GTF3C6: variants seen among roughly 807,000 people sequenced by gnomAD.
GTF3C6 encodes general transcription factor 3C polypeptide 6.
Under a neutral mutation model 19.2 loss-of-function variants are expected in GTF3C6, and 11 were observed. That is an observed-to-expected ratio of 0.57 (90% confidence interval 0.36 to 0.95). The LOEUF is 0.95. Ranked by LOEUF, GTF3C6 falls within the 40% of genes least tolerant of loss-of-function variation. The pLI is 0.01. For synonymous variants in GTF3C6, 87 were observed against 84.2 expected (o/e 1.03, Z -0.18); for missense variants, 222 against 254.7 (o/e 0.87, Z 0.87).
chr6:110,966,869 T>C (rs1186102656), intron 5 of GTF3C6, among the ~76,000 whole-genome samples: 1 of 152,074 alleles, frequency 6.6e-6, no homozygotes, highest in Admixed American at 6.6e-5. Flanking sequence ...GAAAAAGGAC[T>C]AATAACCAGG....
Position 110,960,566 on chromosome 6 carries a change from C to G in GTF3C6, c.203-6C>G, listed in dbSNP as rs1771147102. 3 of 1,613,606 alleles carry G rather than the reference C, an allele frequency of 1.9e-6. No individual in the cohort carries two copies. The highest frequency in any genetic ancestry group is 2.5e-6 in the Non-Finnish European group (3 of 1,179,598). ...CTCAACAATTTGCCTTTGTATTTTT[C>G]TGCAGACACTCTAGGGACCTGTGTT... is the stretch of plus-strand genomic sequence containing the variant. On this transcript the variant is annotated splice_polypyrimidine_tract_variant and splice_region_variant and intron_variant, in intron 3 of 5. Transcript: ENST00000329970.
At chr6:110,959,131 C>T in intron 1 of GTF3C6, 41 bp from the exon 2 acceptor site, 3 of 1,417,814 alleles carry the variant, frequency 2.1e-6, no homozygotes, top group Non-Finnish European at 3.0e-6. Flanking sequence ...CCCTCTTGGC[C>T]GCTCGCGTGC....
At chr6:110,964,051 C>T (rs1771197457) in intron 5 of GTF3C6, among the ~76,000 whole-genome samples, 1 of 151,758 alleles carries the variant, frequency 6.6e-6, no homozygotes, top group Non-Finnish European at 1.5e-5. Context: ...AGTTGTTAGT[C>T]CTCAGTCTAG....
Position 110,959,262 on chromosome 6 carries a change from C to T in GTF3C6, c.138+10C>T, listed in dbSNP as rs1208298396. 1.3e-6 allele frequency: 2 copies of T among 1,549,600 alleles called. No individual in the cohort carries two copies. Among genetic ancestry groups the T allele is most frequent in the Admixed American group, 3.3e-5 (2 of 59,708 alleles). On this transcript the variant is annotated intron_variant, in intron 2 of 5. Transcript: ENST00000329970. The stretch of plus-strand genomic sequence containing the variant: ...TAAATGCAAGGTTTTGGTGAGTTTT[C>T]TAGACTTGGGGGGATTGTTCTAGAG...
intron 2 of GTF3C6, 33 bp from the exon 3 acceptor site, chr6:110,960,381 G>GTTT: frequency 6.3e-6 from 9 of 1,434,056 alleles, no homozygotes; most frequent in Admixed American, 2.3e-5. Context: ...TTCTAATTAT[G>GTTT]TTTTTTTTTT....
At chr6:110,960,276 G>A in intron 2 of GTF3C6, 138 bp from the exon 3 acceptor site, 1 of 664,614 alleles carries the variant, frequency 1.5e-6, no homozygotes, top group Non-Finnish European at 2.6e-6. Context: ...AGCAGTTGTA[G>A]TTTATCCTGT....
intron 4 of GTF3C6, 79 bp downstream of exon 4, chr6:110,960,695 C>A: frequency 9.8e-7 from 1 of 1,015,912 alleles, no homozygotes; most frequent in Non-Finnish European, 1.5e-6. Flanking sequence ...CTCATGTATC[C>A]ACTGTCTAGC....
chr6:110,966,408 C>T (rs982056216), intron 5 of GTF3C6, among the ~76,000 whole-genome samples: 1 of 152,070 alleles, frequency 6.6e-6, no homozygotes. Flanking sequence ...ACCCAGGAGG[C>T]GGAGGTTGCA....
chr6:110,962,086 T>C (rs995026050), intron 4 of GTF3C6, among the ~76,000 whole-genome samples: 18 of 152,060 alleles, frequency 1.2e-4, no homozygotes, highest in African/African-American at 3.6e-4. Flanking sequence ...GTATCTTTAG[T>C]AGAGACGGGA....
intron 4 of GTF3C6, among the ~76,000 whole-genome samples, 174 bp downstream of exon 4, chr6:110,960,790 C>G (rs1013234362): frequency 1.3e-5 from 2 of 151,886 alleles, no homozygotes; most frequent in African/African-American, 4.8e-5. Flanking sequence ...GTGGCTCAAT[C>G]CTGTAATCCC....
intron 4 of GTF3C6, among the ~76,000 whole-genome samples, chr6:110,961,382 C>T (rs1424964162): frequency 2.0e-5 from 3 of 152,194 alleles, no homozygotes; most frequent in East Asian, 1.9e-4. Flanking sequence ...AACTCCTGAC[C>T]TCAAGTGATC....
rs1771124520 is a variant in GTF3C6 at position 110,959,106 on chromosome 6, C to G, written c.58-66C>G. On this transcript the variant is annotated intron_variant, in intron 1 of 5. Transcript: ENST00000329970. ...TTCACAAATGTGGGAAATTTGGCTT[C>G]TTTTGCTAATTGCTCCCTCTTGGCC... 25 of 1,200,238 alleles carry G rather than the reference C, an allele frequency of 2.1e-5. No homozygotes were observed. In the South Asian group the frequency reaches 2.8e-4, roughly 14 times the overall value. 74.3% of individuals were successfully genotyped at this position (1,200,238 alleles called of 1,614,324 possible).
chr6:110,958,792 G>T lies in GTF3C6; in HGVS notation c.23G>T (p.Arg8Leu). The T allele has an allele frequency of 1.9e-6, 3 of 1,551,086 alleles. No individual in the cohort carries two copies. In the South Asian group the frequency reaches 3.6e-5, roughly 18 times the overall value. Residue 8 changes from arginine to leucine, a missense_variant, in exon 1 of 6, where the codon CGG (arginine) becomes CTG (leucine). Transcript: ENST00000329970. ...ACCATGGCGGCGGCGGCGGACGAGCGGAGTCCAGAGGACGGAGAAGACGAG... is the reference window on the plus strand; with the variant it reads ...ACCATGGCGGCGGCGGCGGACGAGCTGAGTCCAGAGGACGGAGAAGACGAG... MAAAADERSPEDGEDEEE... is the reference protein window; with the variant it reads MAAAADELSPEDGEDEEE...
rs938698271 is a variant in GTF3C6 at position 110,967,377 on chromosome 6, C to T, written c.362-133C>T. On this transcript the variant is annotated intron_variant, in intron 5 of 5. Coordinates refer to ENST00000329970, the MANE Select transcript of GTF3C6 (RefSeq NM_138408.4). ...TATATTTTATCAGTAGTTACAGACA[C>T]CATATTCCTTGGTTTATGTTAGGCT... 5 of 748,878 alleles carry T rather than the reference C, an allele frequency of 6.7e-6. No individual in the cohort carries two copies. The African/African-American group carries it at 8.9e-5, about 13-fold the overall frequency. 46.4% of individuals were successfully genotyped at this position (748,878 alleles called of 1,614,324 possible). A position where few individuals can be genotyped will look rare whatever the true frequency, so the allele number is the denominator to read the frequency against.
At chr6:110,963,992 G>A (rs1339870939) in intron 5 of GTF3C6, among the ~76,000 whole-genome samples, 1 of 152,022 alleles carries the variant, frequency 6.6e-6, no homozygotes, top group African/African-American at 2.4e-5. Flanking sequence ...GTGAGCCACC[G>A]CCCCTGGCCA....
At position 110,960,185 on chromosome 6, in the gene GTF3C6, T is replaced by G. The variant is rs1018154767; in HGVS notation, c.139-229T>G. ...AACTTCCTCTGTTTTTAGCTTACTC[T>G]TGAACAGGATGTTGATTGAAATAAA... On this transcript the variant is annotated intron_variant, in intron 2 of 5. Coordinates refer to ENST00000329970, the MANE Select transcript of GTF3C6 (RefSeq NM_138408.4). Among the ~76,000 whole-genome samples the G allele has an allele frequency of 2.0e-5, 3 of 152,192 alleles. No individual in the cohort carries two copies. In the South Asian group the frequency reaches 6.2e-4, roughly 31 times the overall value.
rs771520298 is a variant in GTF3C6 at position 110,967,582 on chromosome 6, A to G, written c.434A>G (p.His145Arg). ...YRPNMICNFL[H>R]ENEDEEVVAS... ...CCCAACATGATTTGTAACTTTCTAC[A>G]TGAAAATGAAGACGAAGAAGTGGTA... Residue 145 changes from histidine (H) to arginine (R), a missense_variant, in exon 6 of 6, where the codon CAT becomes CGT. Transcript: ENST00000329970. 3 of 1,614,084 alleles carry G rather than the reference A, an allele frequency of 1.9e-6. No individual in the cohort carries two copies. The South Asian group carries it at 3.3e-5, about 18-fold the overall frequency.
intron 4 of GTF3C6, among the ~76,000 whole-genome samples, chr6:110,961,039 A>G (rs13195851): frequency 0.25 from 37,311 of 151,488 alleles, 5,236 homozygotes; most frequent in East Asian, 0.65. Flanking sequence ...GAGCTAGATA[A>G]ACTGTGTCTC....
chr6:110,962,917 T>C (rs1771180827), intron 5 of GTF3C6, among the ~76,000 whole-genome samples: 1 of 152,212 alleles, frequency 6.6e-6, no homozygotes, highest in Non-Finnish European at 1.5e-5. Flanking sequence ...TAGCTGGGAC[T>C]ACAGGCACGC....
Sources: gnomAD v4.1 joint callset for allele counts (sites outside exome capture counted in the v4.1 genomes callset) on GRCh38, gnomAD v4.1.1 for gene constraint, MANE v1.5 for transcripts, NCBI Gene and HGNC (gene_info 2026-07-23, HGNC 2026-07-21) for gene names.